NRG1: variants seen among roughly 807,000 people sequenced by gnomAD.
NRG1 encodes neuregulin 1.
Under a neutral mutation model 63.8 loss-of-function variants are expected in NRG1, and 18 were observed. The observed-to-expected ratio is 0.28, with a 90% CI of 0.19 to 0.42. The LOEUF (loss-of-function observed/expected upper bound fraction) is 0.42, where lower values mean the gene tolerates loss of function less well. Ranked by LOEUF, NRG1 falls within the 10% of genes least tolerant of loss-of-function variation. The probability of loss-of-function intolerance (pLI) is 1.00; values close to 1 mark genes in which losing one functional copy is unlikely to be tolerated. For missense variants in NRG1, 762 were observed against 814.7 expected, an observed-to-expected ratio of 0.94 and a Z score of 0.79; for synonymous variants, 302 against 301.3, an observed-to-expected ratio of 1.00 and a Z score of -0.02.
At chr8:32,730,234 GC>G (rs1823294922) in intron 6 of NRG1, among the ~76,000 whole-genome samples, 1 of 152,124 alleles carries the variant, frequency 6.6e-6, no homozygotes, top group Admixed American at 6.6e-5. Flanking sequence ...GATCTCTTGA[GC>G]CCAGGAGTTG....
chr8:31,931,879 ACT>A (rs1834894024), intron 1 of NRG1, among the ~76,000 whole-genome samples: 1 of 152,042 alleles, frequency 6.6e-6, no homozygotes, highest in Non-Finnish European at 1.5e-5. Flanking sequence ...GCTCTCAGTG[ACT>A]CTGTACTGTA....
chr8:31,643,864 T>G (rs750029764), intron 1 of NRG1, among the ~76,000 whole-genome samples: 1 of 152,226 alleles, frequency 6.6e-6, no homozygotes, highest in Non-Finnish European at 1.5e-5. Flanking sequence ...AACACTGAGG[T>G]TGAATAACAT....
intron 1 of NRG1, among the ~76,000 whole-genome samples, chr8:32,311,487 C>G (rs13260427): frequency 1.3e-5 from 2 of 151,960 alleles, no homozygotes; most frequent in African/African-American, 4.8e-5. Flanking sequence ...GCACAAGGCC[C>G]TAGAGGAAGA....
intron 1 of NRG1, among the ~76,000 whole-genome samples, chr8:31,821,124 T>C (rs949697393): frequency 6.6e-6 from 1 of 152,218 alleles, no homozygotes; most frequent in African/African-American, 2.4e-5. Context: ...TTGCATTGTT[T>C]AGGGAATATG....
At chr8:31,759,034 T>C (rs1817261560) in intron 1 of NRG1, among the ~76,000 whole-genome samples, 1 of 152,182 alleles carries the variant, frequency 6.6e-6, no homozygotes, top group African/African-American at 2.4e-5. Flanking sequence ...CTTCTGCTTA[T>C]TGGCTACTTA....
chr8:32,484,189 A>G (rs1373966549), intron 1 of NRG1, among the ~76,000 whole-genome samples: 1 of 152,160 alleles, frequency 6.6e-6, no homozygotes, highest in African/African-American at 2.4e-5. Context: ...ATAGAACAAA[A>G]CCAGTGTACT....
At chr8:31,982,645 G>A (rs1206309255) in intron 1 of NRG1, among the ~76,000 whole-genome samples, 15 of 152,072 alleles carry the variant, frequency 9.9e-5, no homozygotes, top group Admixed American at 9.8e-4. Context: ...CCATTTTTGT[G>A]ATGTGATGGC....
At chr8:32,088,137 T>C (rs1033093931) in intron 1 of NRG1, among the ~76,000 whole-genome samples, 1 of 152,206 alleles carries the variant, frequency 6.6e-6, no homozygotes. Context: ...AATGACACTT[T>C]GGAGTACCTC....
rs16879463 is a variant in NRG1, at chr8:32,477,826, T to G, written c.38-118002T>G. 0.057 allele frequency among the ~76,000 whole-genome samples: 8,641 copies of G among 152,262 alleles called. 1,184 individuals carry two copies. In the East Asian group the frequency reaches 0.63, roughly 11 times the overall value. The stretch of plus-strand genomic sequence containing the variant: ...CTTTGGTCTCTCACAATACATAGTT[T>G]AACTCCATATATAATTTAATGAATG... On this transcript the variant is annotated intron_variant, in intron 1 of 10. Coordinates refer to the NRG1 transcript ENST00000519301.
intron 1 of NRG1, among the ~76,000 whole-genome samples, chr8:31,692,897 G>GA (rs1563298975): frequency 6.6e-6 from 1 of 152,138 alleles, no homozygotes; most frequent in East Asian, 1.9e-4. Context: ...TCTTAAAACC[G>GA]AAAACCTCAG....
At chr8:32,268,545 C>T (rs1851224434) in intron 1 of NRG1, among the ~76,000 whole-genome samples, 1 of 152,062 alleles carries the variant, frequency 6.6e-6, no homozygotes, top group Non-Finnish European at 1.5e-5. Flanking sequence ...TCACCTCTGC[C>T]CCTCTCCCTA....
chr8:32,649,308 G>C (rs973535687), intron 5 of NRG1, among the ~76,000 whole-genome samples: 2 of 152,036 alleles, frequency 1.3e-5, no homozygotes, highest in Non-Finnish European at 2.9e-5. Context: ...GCTTTAGAGT[G>C]GAAAGTTGAC....
intron 1 of NRG1, among the ~76,000 whole-genome samples, chr8:32,017,886 T>A (rs1369364502): frequency 2.6e-5 from 4 of 152,084 alleles, no homozygotes; most frequent in African/African-American, 9.7e-5. Context: ...CATTGGCTAT[T>A]GGTGAGCAAC....
chr8:32,316,412 G>C (rs1857393798), intron 1 of NRG1, among the ~76,000 whole-genome samples: 1 of 151,436 alleles, frequency 6.6e-6, no homozygotes, highest in African/African-American at 2.4e-5. Context: ...GGAGGCGGAG[G>C]GTGCAGTGAG....
intron 1 of NRG1, among the ~76,000 whole-genome samples, chr8:32,497,140 A>T (rs988509557): frequency 1.3e-5 from 2 of 152,156 alleles, no homozygotes; most frequent in African/African-American, 4.8e-5. Flanking sequence ...TATTGTATAG[A>T]ATTTATCAGA....
intron 1 of NRG1, among the ~76,000 whole-genome samples, chr8:31,944,858 A>T (rs1040626554): frequency 6.6e-5 from 10 of 152,198 alleles, no homozygotes; most frequent in African/African-American, 2.4e-4. Context: ...GTAGTGTTTA[A>T]TTGAATGCTT....
intron 5 of NRG1, among the ~76,000 whole-genome samples, chr8:32,714,590 G>A (rs1353193024): frequency 6.6e-6 from 1 of 152,232 alleles, no homozygotes; most frequent in East Asian, 1.9e-4. Context: ...GATAAAAGGA[G>A]TGATGAGATA....
At chr8:32,586,957 C>T (rs1309070384) in intron 1 of NRG1, among the ~76,000 whole-genome samples, 1 of 152,132 alleles carries the variant, frequency 6.6e-6, no homozygotes, top group Non-Finnish European at 1.5e-5. Flanking sequence ...AATCCCAGCA[C>T]TTTGGGAGGC....
At chr8:31,725,329 C>G (rs573488317) in intron 1 of NRG1, among the ~76,000 whole-genome samples, 3 of 152,242 alleles carry the variant, frequency 2.0e-5, no homozygotes, top group Admixed American at 6.5e-5. Context: ...CATATGTTCC[C>G]AGCTAACGTT....
Sources: allele counts gnomAD v4.1 joint callset (sites outside exome capture counted in the v4.1 genomes callset), GRCh38; gene constraint gnomAD v4.1.1; transcripts MANE v1.5; gene names NCBI Gene and HGNC (gene_info 2026-07-23, HGNC 2026-07-21).